ANKRD30B: variants seen among roughly 807,000 people sequenced by gnomAD.
The protein encoded by ANKRD30B is ankyrin repeat domain-containing protein 30B.
ANKRD30B carries 144 observed loss-of-function variants against 202.2 expected under a neutral mutation model. The observed-to-expected ratio is 0.71, with a 90% CI of 0.62 to 0.82. ANKRD30B has a LOEUF of 0.82. Ranked by LOEUF, ANKRD30B falls within the 40% of genes least tolerant of loss-of-function variation. ANKRD30B has a pLI of 0.00. For synonymous variants in ANKRD30B, 508 were observed against 561.3 expected (o/e 0.91, Z 1.34); for missense variants, 1,487 against 1,669.1 (o/e 0.89, Z 1.90).
At chr18:14,780,135 A>AGC in intron 11 of ANKRD30B, 114 bp downstream of exon 11, 1 of 762,748 alleles carries the variant, frequency 1.3e-6, no homozygotes, top group Non-Finnish European at 2.1e-6. Context: ...TGCTCAGAAG[A>AGC]AATTCTGATA....
At chr18:14,783,397 C>T (rs1967878754) in intron 12 of ANKRD30B, among the ~76,000 whole-genome samples, 1 of 152,112 alleles carries the variant, frequency 6.6e-6, no homozygotes, top group African/African-American at 2.4e-5. Flanking sequence ...ATGTTACAAT[C>T]AGGCATGACA....
chr18:14,798,788 G>A (rs548262537), intron 20 of ANKRD30B, among the ~76,000 whole-genome samples: 1 of 152,238 alleles, frequency 6.6e-6, no homozygotes, highest in African/African-American at 2.4e-5. Flanking sequence ...CTCTGCAGGG[G>A]GTAGCACATC....
chr18:14,866,394 C>A, the ANKRD30B span, among the ~76,000 whole-genome samples: 1 of 151,968 alleles, frequency 6.6e-6, no homozygotes, highest in African/African-American at 2.4e-5. Flanking sequence ...GCAGTAAGAT[C>A]ATGGCCGGAG....
the ANKRD30B span, among the ~76,000 whole-genome samples, chr18:14,882,678 G>T: frequency 6.6e-6 from 1 of 152,058 alleles, no homozygotes; most frequent in Non-Finnish European, 1.5e-5. Flanking sequence ...CTGTCTTGAT[G>T]ATCTGTCTAG....
chr18:14,921,547 T>C, the ANKRD30B span, among the ~76,000 whole-genome samples: 1 of 142,356 alleles, frequency 7.0e-6, no homozygotes, highest in African/African-American at 2.5e-5. Context: ...GAGGGTAGAA[T>C]CTATGTAGTA....
chr18:14,808,429 C>A (rs1163067968), intron 24 of ANKRD30B, 122 bp from the exon 25 acceptor site: 2 of 1,068,790 alleles, frequency 1.9e-6, no homozygotes, highest in South Asian at 1.3e-5. Flanking sequence ...GACCCCAAAA[C>A]CTAGTGTAAT....
rs1448680222 is a variant in ANKRD30B at position 14,819,671 on chromosome 18, G to C, written c.2642-2812G>C. ...CAGGTTTGTCAAAGATCAGATAGTT[G>C]TAGATATGTGGCGTTATTTCTGAGG... On this transcript the variant is annotated intron_variant, in intron 30 of 43. Coordinates refer to ENST00000690538, the MANE Select transcript of ANKRD30B (RefSeq NM_001367607.2). Among the ~76,000 whole-genome samples, 16 of 151,962 alleles carry C rather than the reference G, an allele frequency of 1.1e-4. No individual in the cohort carries two copies. In the South Asian group the frequency reaches 2.9e-3, roughly 28 times the overall value.
intron 7 of ANKRD30B, among the ~76,000 whole-genome samples, chr18:14,767,290 C>T (rs1029416526): frequency 6.6e-6 from 1 of 152,100 alleles, no homozygotes; most frequent in Non-Finnish European, 1.5e-5. Flanking sequence ...TTTTCTAAGA[C>T]ACCCGGTGAA....
intron 1 of ANKRD30B, among the ~76,000 whole-genome samples, chr18:14,749,607 G>A (rs1913071388): frequency 6.9e-6 from 1 of 145,624 alleles, no homozygotes; most frequent in African/African-American, 2.6e-5. Flanking sequence ...GTAGGTGGAG[G>A]TTGCAGTGAG....
chr18:14,797,546 T>C, intron 18 of ANKRD30B, 115 bp from the exon 19 acceptor site: 1 of 1,218,116 alleles, frequency 8.2e-7, no homozygotes, highest in Non-Finnish European at 1.2e-6. Flanking sequence ...AAACCTAGTG[T>C]AATCCCTTTC....
intron 41 of ANKRD30B, among the ~76,000 whole-genome samples, chr18:14,850,890 A>G (rs1248566509): frequency 6.6e-6 from 1 of 151,924 alleles, no homozygotes; most frequent in Non-Finnish European, 1.5e-5. Context: ...GACTCAGAAG[A>G]CTTGGAGAAA....
At chr18:14,786,903 T>C in intron 14 of ANKRD30B, 136 bp from the exon 15 acceptor site, 1 of 784,270 alleles carries the variant, frequency 1.3e-6, no homozygotes, top group East Asian at 3.1e-5. Flanking sequence ...AAGTAGTCAC[T>C]GTAATCAACA....
In ANKRD30B at chr18:14,784,242, C is replaced by A. The variant is rs1014719135; in HGVS notation, c.1571-94C>A. 21 of 1,289,958 alleles carry A rather than the reference C, an allele frequency of 1.6e-5. No homozygotes were observed. The Admixed American group carries it at 2.0e-4, about 13-fold the overall frequency. 79.9% of individuals were successfully genotyped at this position (1,289,958 alleles called of 1,614,324 possible). On this transcript the variant is annotated intron_variant, in intron 12 of 43. Coordinates refer to ENST00000690538, the MANE Select transcript of ANKRD30B (RefSeq NM_001367607.2). Reference sequence around the variant, plus strand: ...CTAAACTATTCATTCTCAAAGTCAACCAAGAGGACTCAGTTAGATACTATC... The same window carrying A: ...CTAAACTATTCATTCTCAAAGTCAAACAAGAGGACTCAGTTAGATACTATC...
At chr18:14,897,926 A>G in the ANKRD30B span, among the ~76,000 whole-genome samples, 1 of 152,164 alleles carries the variant, frequency 6.6e-6, no homozygotes, top group Non-Finnish European at 1.5e-5. Context: ...ATAAACTCCT[A>G]ATTGCCAAAT....
At chr18:14,793,752 G>A (rs1278757380) in intron 16 of ANKRD30B, among the ~76,000 whole-genome samples, 1 of 151,830 alleles carries the variant, frequency 6.6e-6, no homozygotes, top group Admixed American at 6.6e-5. Context: ...AAATTAGCCG[G>A]GCGTGGCGGT....
chr18:14,791,611 A>G, intron 16 of ANKRD30B, 120 bp downstream of exon 16: 1 of 763,346 alleles, frequency 1.3e-6, no homozygotes, highest in Non-Finnish European at 2.1e-6. Flanking sequence ...CAGAAAAAAG[A>G]GAAGTGAAAC....
At chr18:14,777,816 G>T (rs903421608) in intron 9 of ANKRD30B, among the ~76,000 whole-genome samples, 169 bp from the exon 10 acceptor site, 3 of 151,784 alleles carry the variant, frequency 2.0e-5, no homozygotes, top group African/African-American at 7.3e-5. Flanking sequence ...GGTGGCTCCT[G>T]CCTGTAGTCC....
intron 33 of ANKRD30B, among the ~76,000 whole-genome samples, chr18:14,830,904 C>T (rs961675498): frequency 3.9e-5 from 6 of 152,194 alleles, no homozygotes; most frequent in Admixed American, 1.3e-4. Context: ...ACAGAGGGGC[C>T]GGGCGCGGTG....
the ANKRD30B span, among the ~76,000 whole-genome samples, chr18:14,909,170 C>T: frequency 6.6e-6 from 1 of 152,124 alleles, no homozygotes; most frequent in Non-Finnish European, 1.5e-5. Flanking sequence ...ACATCTGAGC[C>T]AACCTTTTCT....
Sources: allele counts gnomAD v4.1 joint callset (sites outside exome capture counted in the v4.1 genomes callset), GRCh38; gene constraint gnomAD v4.1.1; transcripts MANE v1.5; gene names NCBI Gene and HGNC (gene_info 2026-07-23, HGNC 2026-07-21).